Variants in RNF2 observed in about 807,000 individuals in gnomAD.
RNF2 encodes ring finger protein 2, also known as E3 ubiquitin-protein ligase RING2.
Under a neutral mutation model 37.2 loss-of-function variants are expected in RNF2, and 6 were observed. The observed-to-expected ratio is 0.16, with a 90% confidence interval of 0.09 to 0.32. The LOEUF (loss-of-function observed/expected upper bound fraction) is 0.32. Ranked by LOEUF, RNF2 falls within the 10% of genes least tolerant of loss-of-function variation. RNF2 has a pLI of 1.00. For synonymous variants in RNF2, 133 were observed against 132.7 expected (o/e 1.00, Z -0.02); for missense variants, 251 against 404.0 (o/e 0.62, Z 3.25).
chr1:185,061,980 G>A (rs903662937), intron 1 of RNF2, among the ~76,000 whole-genome samples: 2 of 152,288 alleles, frequency 1.3e-5, no homozygotes, highest in Admixed American at 6.5e-5. Flanking sequence ...TACCATTCAC[G>A]TGTATTTGTA....
At chr1:185,058,387 T>C (rs1181022125) in intron 1 of RNF2, among the ~76,000 whole-genome samples, 5 of 152,194 alleles carry the variant, frequency 3.3e-5, no homozygotes, top group African/African-American at 1.2e-4. Context: ...TGTGTGCATG[T>C]GCTTTTGTAT....
At chr1:185,061,447 A>G (rs1385694660) in intron 1 of RNF2, among the ~76,000 whole-genome samples, 2 of 152,050 alleles carry the variant, frequency 1.3e-5, no homozygotes, top group South Asian at 2.1e-4. Context: ...AAAAACACAC[A>G]AGATCACAAA....
intron 1 of RNF2, among the ~76,000 whole-genome samples, chr1:185,086,390 A>G (rs1376483374): frequency 2.0e-5 from 3 of 151,908 alleles, no homozygotes; most frequent in African/African-American, 7.3e-5. Context: ...TCTTTCCCAT[A>G]TTTATACTAG....
At chr1:185,062,586 T>TTAGAGTATGGC (rs1650642410) in intron 1 of RNF2, among the ~76,000 whole-genome samples, 1 of 152,088 alleles carries the variant, frequency 6.6e-6, no homozygotes, top group Non-Finnish European at 1.5e-5. Context: ...TTTTATAATT[T>TTAGAGTATGGC]TAGAGTATGG....
chr1:185,098,375 A>G, intron 5 of RNF2, 31 bp downstream of exon 5: 4 of 1,601,442 alleles, frequency 2.5e-6, no homozygotes, highest in Non-Finnish European at 3.4e-6. Context: ...CAGATTATCT[A>G]AATTCAGAAT....
At chr1:185,058,002 A>G (rs562911504) in intron 1 of RNF2, among the ~76,000 whole-genome samples, 10 of 152,188 alleles carry the variant, frequency 6.6e-5, no homozygotes, top group South Asian at 2.1e-4. Flanking sequence ...GTGCACACCT[A>G]TAGTCTCAGT....
chr1:185,077,273 T>TTTTTTTTTTTTTTTTG (rs1651195517), intron 1 of RNF2, among the ~76,000 whole-genome samples: 1 of 152,088 alleles, frequency 6.6e-6, no homozygotes, highest in African/African-American at 2.4e-5. Context: ...CCTTTTCCCA[T>TTTTTTTTTTTTTTTTG]GTTCCTCTCC....
At chr1:185,076,265 G>GTTTTTTTTTTTTTTTTT (rs1557967374) in intron 1 of RNF2, among the ~76,000 whole-genome samples, 1 of 39,540 alleles carries the variant, frequency 2.5e-5, no homozygotes, top group African/African-American at 8.2e-5. Flanking sequence ...TCTTTTATGG[G>GTTTTTTTTTTTTTTTTT]TTGTTTTTTT....
At chr1:185,052,469 A>G (rs1650299962) in intron 1 of RNF2, among the ~76,000 whole-genome samples, 1 of 152,270 alleles carries the variant, frequency 6.6e-6, no homozygotes, top group Non-Finnish European at 1.5e-5. Flanking sequence ...CAGCCACAAA[A>G]GGCCACATAT....
rs1652087863 is a variant in RNF2, at chr1:185,101,848, T to TTA, written c.*1548_*1549insAT. The TTA allele has an allele frequency of 6.7e-6, 1 of 149,438 alleles. No individual in the cohort carries two copies. The highest frequency in any genetic ancestry group is 1.5e-5 in the Non-Finnish European group (1 of 67,282). 9.3% of individuals were successfully genotyped at this position (149,438 alleles called of 1,614,324 possible). On this transcript the variant is annotated 3_prime_UTR_variant, in exon 7 of 7. Transcript: ENST00000367510. ...TTTTACAGGGTTTTTTTTTTTTTTT[T>TTA]TTTTTTGTAATCTGTGCCATGAAAT...
At chr1:185,082,286 A>G (rs1311700089) in intron 1 of RNF2, among the ~76,000 whole-genome samples, 1 of 149,704 alleles carries the variant, frequency 6.7e-6, no homozygotes, top group Non-Finnish European at 1.5e-5. Context: ...GTCGTTGTCA[A>G]CTTCCGCTGG....
chr1:185,075,211 T>C (rs1186650649), intron 1 of RNF2, among the ~76,000 whole-genome samples: 1 of 151,930 alleles, frequency 6.6e-6, no homozygotes, highest in Non-Finnish European at 1.5e-5. Context: ...CCAGGCTGGT[T>C]TCGAACTTCT....
At chr1:185,053,179 T>C (rs1650318617) in intron 1 of RNF2, among the ~76,000 whole-genome samples, 1 of 152,158 alleles carries the variant, frequency 6.6e-6, no homozygotes, top group African/African-American at 2.4e-5. Context: ...TAATCCTTTA[T>C]TAAGGAAGGT....
At chr1:185,048,220 C>A (rs1246401554) in intron 1 of RNF2, among the ~76,000 whole-genome samples, 1 of 152,130 alleles carries the variant, frequency 6.6e-6, no homozygotes, top group East Asian at 1.9e-4. Flanking sequence ...GGTGATGAGT[C>A]CCTGACTATA....
At chr1:185,070,654 T>G (rs966623332) in intron 1 of RNF2, among the ~76,000 whole-genome samples, 4 of 150,802 alleles carry the variant, frequency 2.7e-5, no homozygotes, top group African/African-American at 9.7e-5. Context: ...TTTTTTTTTT[T>G]TTGAGACCGA....
At chr1:185,099,745 A>C (rs1557976789) in intron 5 of RNF2, 46 bp from the exon 6 acceptor site, 1 of 1,506,264 alleles carries the variant, frequency 6.6e-7, no homozygotes, top group Non-Finnish European at 9.1e-7. Flanking sequence ...CATTTTTCTC[A>C]TTGGCATATT....
At chr1:185,073,053 G>A (rs1367750074) in intron 1 of RNF2, among the ~76,000 whole-genome samples, 1 of 133,748 alleles carries the variant, frequency 7.5e-6, no homozygotes, top group East Asian at 2.1e-4. Flanking sequence ...TTTGCTCTAC[G>A]ACTTGCTTTT....
At chr1:185,087,739 A>G (rs914598595) in intron 2 of RNF2, 99 bp downstream of exon 2, 5 of 857,566 alleles carry the variant, frequency 5.8e-6, no homozygotes, top group Non-Finnish European at 9.5e-6. Context: ...GTAATAATAA[A>G]TTTATATTCA....
At chr1:185,076,744 G>A (rs1225090741) in intron 1 of RNF2, among the ~76,000 whole-genome samples, 3 of 151,724 alleles carry the variant, frequency 2.0e-5, no homozygotes, top group African/African-American at 7.2e-5. Flanking sequence ...TGAGCCCTTT[G>A]TTTTGTTATA....
Sources: allele counts gnomAD v4.1 joint callset (sites outside exome capture counted in the v4.1 genomes callset), GRCh38; gene constraint gnomAD v4.1.1; transcripts MANE v1.5; gene names NCBI Gene and HGNC (gene_info 2026-07-23, HGNC 2026-07-21).